TSHZ2: variants seen among roughly 807,000 people sequenced by gnomAD.
TSHZ2 encodes the protein teashirt homolog 2.
A neutral mutation model predicts 74.4 loss-of-function variants in TSHZ2; 21 were observed. That is an observed-to-expected ratio of 0.28 (90% CI 0.20 to 0.41). TSHZ2 has a LOEUF of 0.41. Among genes scored for constraint, TSHZ2 ranks in the 10% least tolerant of loss-of-function variants. TSHZ2 has a pLI of 1.00. For missense variants in TSHZ2, 1,244 were observed against 1,293.5 expected, an observed-to-expected ratio of 0.96 and a Z score of 0.59; for synonymous variants, 540 against 515.3, an observed-to-expected ratio of 1.05 and a Z score of -0.65.
chr20:53,066,575 G>A (rs1984995994), intron 1 of TSHZ2, among the ~76,000 whole-genome samples: 1 of 152,150 alleles, frequency 6.6e-6, no homozygotes, highest in African/African-American at 2.4e-5. Flanking sequence ...CTGGAGTGCA[G>A]TGGCTCACTG....
intron 2 of TSHZ2, among the ~76,000 whole-genome samples, chr20:53,485,953 A>G (rs1986279976): frequency 6.6e-6 from 1 of 152,174 alleles, no homozygotes; most frequent in Non-Finnish European, 1.5e-5. Flanking sequence ...GTACATTCAG[A>G]TTGTTGTACA....
chr20:53,127,146 C>CTG (rs1296952740), intron 1 of TSHZ2, among the ~76,000 whole-genome samples: 1 of 152,174 alleles, frequency 6.6e-6, no homozygotes. Flanking sequence ...ACATGTGGAT[C>CTG]TGTGTGTGCA....
intron 1 of TSHZ2, among the ~76,000 whole-genome samples, chr20:53,250,179 C>A (rs1000581986): frequency 1.3e-5 from 2 of 152,134 alleles, no homozygotes; most frequent in African/African-American, 4.8e-5. Flanking sequence ...TCTTCGACCC[C>A]CAATCAACAA....
chr20:53,143,827 A>G (rs1987472037), intron 1 of TSHZ2, among the ~76,000 whole-genome samples: 1 of 151,988 alleles, frequency 6.6e-6, no homozygotes, highest in Admixed American at 6.6e-5. Context: ...AAGACAGGAG[A>G]GTGGCAATAG....
At chr20:53,483,142 A>T (rs1986202161) in intron 2 of TSHZ2, among the ~76,000 whole-genome samples, 1 of 152,058 alleles carries the variant, frequency 6.6e-6, no homozygotes, top group South Asian at 2.1e-4. Context: ...AAATAACTAT[A>T]CTCAGATAAT....
chr20:53,367,046 C>T (rs1048704350), intron 2 of TSHZ2, among the ~76,000 whole-genome samples: 2 of 152,148 alleles, frequency 1.3e-5, no homozygotes, highest in Admixed American at 1.3e-4. Context: ...ACTAGCCCTG[C>T]ATAGTGCCTC....
intron 1 of TSHZ2, among the ~76,000 whole-genome samples, chr20:53,166,773 AAAT>A (rs1041876567): frequency 2.6e-5 from 4 of 152,134 alleles, no homozygotes; most frequent in Admixed American, 1.3e-4. Flanking sequence ...TCTGTCTAAA[AAAT>A]AATAATAATA....
chr20:53,378,345 A>G (rs1288246029), intron 2 of TSHZ2, among the ~76,000 whole-genome samples: 2 of 28,996 alleles, frequency 6.9e-5, no homozygotes, highest in Non-Finnish European at 1.8e-4. Context: ...GTATCAAAAT[A>G]ATAATAATAA....
intron 1 of TSHZ2, among the ~76,000 whole-genome samples, chr20:53,193,868 C>A (rs535451224): frequency 5.9e-5 from 9 of 151,880 alleles, no homozygotes; most frequent in African/African-American, 1.2e-4. Flanking sequence ...GAGGGAGGAA[C>A]CTTGAACCTG....
At chr20:53,112,195 A>G (rs1219183018) in intron 1 of TSHZ2, among the ~76,000 whole-genome samples, 1 of 152,204 alleles carries the variant, frequency 6.6e-6, no homozygotes, top group Admixed American at 6.5e-5. Context: ...AGCCCTGCTT[A>G]GGGAGCAGGG....
At chr20:53,288,572 G>A (rs897513013) in intron 2 of TSHZ2, among the ~76,000 whole-genome samples, 13 of 152,090 alleles carry the variant, frequency 8.5e-5, no homozygotes, top group African/African-American at 2.4e-4. Flanking sequence ...TGGGAGGACC[G>A]CTCATTTATT....
At chr20:53,267,159 A>C (rs1990738047) in intron 2 of TSHZ2, among the ~76,000 whole-genome samples, 1 of 152,196 alleles carries the variant, frequency 6.6e-6, no homozygotes, top group South Asian at 2.1e-4. Flanking sequence ...AGGGCCACAA[A>C]GTCTCTAGCA....
intron 2 of TSHZ2, among the ~76,000 whole-genome samples, chr20:53,431,733 G>A (rs1284668741): frequency 2.0e-5 from 3 of 152,182 alleles, no homozygotes; most frequent in Non-Finnish European, 4.4e-5. Flanking sequence ...AGCTGGGGAT[G>A]GGAATGTGTG....
At chr20:53,240,320 G>T (rs1346970333) in intron 1 of TSHZ2, among the ~76,000 whole-genome samples, 2 of 152,036 alleles carry the variant, frequency 1.3e-5, no homozygotes, top group Non-Finnish European at 2.9e-5. Context: ...CATAGACCTG[G>T]GATGGGACCA....
At chr20:53,101,274 A>C (rs1003765425) in intron 1 of TSHZ2, among the ~76,000 whole-genome samples, 1 of 152,200 alleles carries the variant, frequency 6.6e-6, no homozygotes, top group Non-Finnish European at 1.5e-5. Context: ...ATAATACATG[A>C]TATTTAATAA....
intron 1 of TSHZ2, among the ~76,000 whole-genome samples, chr20:53,232,696 C>T (rs1283995133): frequency 6.6e-6 from 1 of 152,124 alleles, no homozygotes; most frequent in Non-Finnish European, 1.5e-5. Context: ...CACCACTGCA[C>T]TCCAGCCTGG....
chr20:53,180,676 C>T (rs987147500), intron 1 of TSHZ2, among the ~76,000 whole-genome samples: 9 of 152,054 alleles, frequency 5.9e-5, no homozygotes, highest in South Asian at 2.1e-4. Context: ...GCACACCATT[C>T]GGGTGATAGG....
intron 2 of TSHZ2, among the ~76,000 whole-genome samples, chr20:53,444,669 TGGA>T (rs1984482956): frequency 6.6e-6 from 1 of 152,192 alleles, no homozygotes; most frequent in African/African-American, 2.4e-5. Context: ...CTTTTCTCCG[TGGA>T]CATTCTAGCC....
At chr20:53,410,804 T>A (rs1983030156) in intron 2 of TSHZ2, among the ~76,000 whole-genome samples, 1 of 151,476 alleles carries the variant, frequency 6.6e-6, no homozygotes, top group African/African-American at 2.4e-5. Context: ...GCCTTTTGAG[T>A]AGCTGGGATT....
Sources: gnomAD v4.1 joint callset for allele counts (sites outside exome capture counted in the v4.1 genomes callset) on GRCh38, gnomAD v4.1.1 for gene constraint, MANE v1.5 for transcripts, NCBI Gene and HGNC (gene_info 2026-07-23, HGNC 2026-07-21) for gene names.